The following ITIH1 variants were observed in gnomAD, a reference collection of about 807,000 sequenced individuals.
The protein encoded by ITIH1 is inter-alpha-trypsin inhibitor heavy chain 1, also known as inter-alpha-trypsin inhibitor heavy chain H1.
ITIH1 carries 94 observed loss-of-function variants against 104.6 expected under a neutral mutation model. The observed-to-expected ratio is 0.90, with a 90% CI of 0.76 to 1.07. The LOEUF (loss-of-function observed/expected upper bound fraction) is 1.07. Among genes scored for constraint, ITIH1 ranks in the 50% least tolerant of loss-of-function variants. ITIH1 has a pLI of 0.00. For synonymous variants in ITIH1, 455 were observed against 464.4 expected (o/e 0.98, Z 0.26); for missense variants, 1,193 against 1,181.4 (o/e 1.01, Z -0.14).
At chr3:52,783,403 G>A in intron 10 of ITIH1, 64 bp downstream of exon 10, 1 of 1,564,968 alleles carries the variant, frequency 6.4e-7, no homozygotes, top group African/African-American at 1.4e-5. Context: ...CATGCAAGCT[G>A]AAGTTGGAAA....
chr3:52,791,140 G>A (rs546042423), intron 20 of ITIH1, among the ~76,000 whole-genome samples: 2 of 152,238 alleles, frequency 1.3e-5, no homozygotes, highest in South Asian at 4.2e-4. Flanking sequence ...AGCAAGTGAG[G>A]GGCAGAGGTC....
chr3:52,783,054 C>T lies in ITIH1; in HGVS notation c.1028C>T (p.Ser343Leu), dbSNP rs1375199081. 5.6e-6 allele frequency: 9 copies of T among 1,613,820 alleles called. No individual in the cohort carries two copies. Among genetic ancestry groups the T allele is most frequent in the Admixed American group, 1.7e-5 (1 of 59,984 alleles). ...FGTRVQSWKG[S>L]LVQASEANLQ... ...ACTCGAGTACAATCGTGGAAGGGCT[C>T]GCTGGTGCAAGCATCTGAGGCCAAC... is the stretch of plus-strand genomic sequence containing the variant. Residue 343 changes from serine to leucine, a missense_variant, in exon 9 of 22, where the codon TCG (serine) becomes TTG (leucine). Coordinates refer to ENST00000273283, the MANE Select transcript of ITIH1 (RefSeq NM_002215.4).
At chr3:52,783,548 G>T (rs1034406958) in intron 10 of ITIH1, among the ~76,000 whole-genome samples, 3 of 152,174 alleles carry the variant, frequency 2.0e-5, no homozygotes, top group Admixed American at 2.0e-4. Flanking sequence ...TGAGAAATTG[G>T]AGATGTTTCT....
rs1362375135 is a variant in ITIH1 at position 52,782,015 on chromosome 3, C to A, written c.763C>A (p.His255Asn). The A allele has an allele frequency of 1.2e-6, 2 of 1,614,038 alleles. No individual in the cohort carries two copies. The highest frequency in any genetic ancestry group is 2.7e-5 in the African/African-American group (2 of 74,910). Residue 255 changes from histidine (H) to asparagine (N), a missense_variant, in exon 7 of 22, where the codon CAC (histidine) becomes AAC (asparagine). Coordinates refer to ENST00000273283, the MANE Select transcript of ITIH1 (RefSeq NM_002215.4). ...PTCSTSLLNG[H>N]FKVTYDVSRD... is the part of the protein sequence containing the mutation. ...ATGCTCTACATCCTTACTGAACGGG[C>A]ACTTCAAGGTGACCTACGATGTCAG...
intron 18 of ITIH1, among the ~76,000 whole-genome samples, chr3:52,788,587 G>T (rs1447713120): frequency 2.1e-5 from 3 of 145,762 alleles, no homozygotes; most frequent in Non-Finnish European, 4.5e-5. Context: ...CTGAGACAGA[G>T]TCTTGCTCTG....
intron 2 of ITIH1, 36 bp from the exon 3 acceptor site, chr3:52,778,304 T>C (rs986504735): frequency 1.2e-6 from 2 of 1,604,810 alleles, no homozygotes; most frequent in Non-Finnish European, 1.7e-6. Flanking sequence ...ACAGAGGCCC[T>C]GTCTCAGGCC....
At chr3:52,777,942 G>C in intron 1 of ITIH1, 55 bp from the exon 2 acceptor site, 1 of 1,611,182 alleles carries the variant, frequency 6.2e-7, no homozygotes, top group African/African-American at 1.3e-5. Context: ...TGAACTGGCA[G>C]GCCGGTGGTC....
intron 3 of ITIH1, chr3:52,778,718 T>TGAAACA: frequency 7.0e-7 from 1 of 1,420,298 alleles, no homozygotes; most frequent in Non-Finnish European, 9.2e-7. Flanking sequence ...TCACAGCATG[T>TGAAACA]TTCAGGCTAG....
At chr3:52,781,196 T>TCACCTCCTC (rs1559461083) in intron 6 of ITIH1, among the ~76,000 whole-genome samples, 3 of 89,958 alleles carry the variant, frequency 3.3e-5, no homozygotes, top group African/African-American at 1.7e-4. Context: ...CTCCTCCTCT[T>TCACCTCCTC]CTTTTTTTTT....
chr3:52,784,342 C>T lies in ITIH1; in HGVS notation c.1272C>T (p.Ile424=), dbSNP rs1356976222. The T allele has an allele frequency of 1.9e-6, 3 of 1,614,152 alleles. No individual in the cohort carries two copies. The South Asian group carries it at 3.3e-5, about 18-fold the overall frequency. ...SQILKNVRNA[I]RGRFPLYNLG... ...TCCTCAAGAACGTCCGCAACGCCAT[C>T]CGGGGCAGGTTCCCGCTCTACAACC... The change falls in exon 11 of 22, where the codon ATC becomes ATT. Residue 424 remains isoleucine, a synonymous_variant. Coordinates refer to ENST00000273283, the MANE Select transcript of ITIH1 (RefSeq NM_002215.4).
Position 52,789,687 on chromosome 3 carries a change from G to A in ITIH1, c.2154G>A (p.Lys718=). The A allele has an allele frequency of 6.2e-7, 1 of 1,614,196 alleles. No individual in the cohort carries two copies. Among genetic ancestry groups the A allele is most frequent in the Non-Finnish European group, 8.5e-7 (1 of 1,180,034 alleles). The change falls in exon 19 of 22, where the codon AAG becomes AAA. Residue 718 remains lysine (K), a synonymous_variant. Transcript: ENST00000273283. ...TGAATGGACAGCTCATTGGCAACAAGGCCAGGAGCCCTGGGCAGCATGACG... is the reference window on the plus strand; with the variant it reads ...TGAATGGACAGCTCATTGGCAACAAAGCCAGGAGCCCTGGGCAGCATGACG... ...FSVNGQLIGN[K]ARSPGQHDGT... is the part of the protein sequence containing the mutation.
At chr3:52,790,609 G>A in intron 19 of ITIH1, 140 bp from the exon 20 acceptor site, 2 of 812,300 alleles carry the variant, frequency 2.5e-6, no homozygotes, top group Non-Finnish European at 4.0e-6. Flanking sequence ...GCGTGGAACA[G>A]GTAACAGCCG....
At chr3:52,790,585 A>G (rs1242109759) in intron 19 of ITIH1, 164 bp from the exon 20 acceptor site, 1 of 679,808 alleles carries the variant, frequency 1.5e-6, no homozygotes, top group African/African-American at 1.8e-5. Flanking sequence ...GCCCCAAGCA[A>G]CATGTGGGGA....
chr3:52,780,497 C>T, intron 6 of ITIH1, 115 bp downstream of exon 6: 1 of 681,194 alleles, frequency 1.5e-6, no homozygotes, highest in Non-Finnish European at 2.5e-6. Flanking sequence ...GTGGTCTGCC[C>T]TCAGGATGAG....
chr3:52,791,685 G>A, intron 21 of ITIH1, 57 bp downstream of exon 21: 1 of 1,609,318 alleles, frequency 6.2e-7, no homozygotes, highest in Non-Finnish European at 8.5e-7. Context: ...GTTCTTCCAG[G>A]TCTTCCTCCA....
At position 52,785,079 on chromosome 3, in the gene ITIH1, G is replaced by A; in HGVS notation, c.1443G>A (p.Val481=). Reference sequence around the variant, plus strand: ...GCCAGGTAGCCAAACCCCTGCTGGTGGATGTGGATTTGCAGTACCCCCAGG... The same window carrying A: ...GCCAGGTAGCCAAACCCCTGCTGGTAGATGTGGATTTGCAGTACCCCCAGG... ...FYSQVAKPLL[V]DVDLQYPQDA... The change falls in exon 12 of 22, where the codon GTG becomes GTA. Residue 481 remains valine (V), a synonymous_variant. Transcript: ENST00000273283. The A allele has an allele frequency of 2.5e-6, 4 of 1,614,094 alleles. No homozygotes were observed. Among genetic ancestry groups the A allele is most frequent in the Non-Finnish European group, 3.4e-6 (4 of 1,180,002 alleles).
Position 52,791,564 on chromosome 3 carries a change from G to A in ITIH1, c.2542G>A (p.Gly848Ser), listed in dbSNP as rs374186023. ...IGFEVSDIHP[G>S]SDPTKPDATM... is the part of the protein sequence containing the mutation. ...TTTTGAAGTGTCTGACATCCACCCAGGCTCTGACCCCACAAAGCCAGATGC... is the reference window on the plus strand; with the variant it reads ...TTTTGAAGTGTCTGACATCCACCCAAGCTCTGACCCCACAAAGCCAGATGC... The change falls in exon 21 of 22, where the codon GGC becomes AGC. Residue 848 changes from glycine (G) to serine (S), a missense_variant. By Grantham distance (56) the Gly-to-Ser change is moderately conservative. Coordinates refer to ENST00000273283, the MANE Select transcript of ITIH1 (RefSeq NM_002215.4). 1.9e-6 allele frequency: 3 copies of A among 1,614,132 alleles called. No individual in the cohort carries two copies. Among genetic ancestry groups the A allele is most frequent in the Non-Finnish European group, 2.5e-6 (3 of 1,180,030 alleles).
chr3:52,782,181 G>A lies in ITIH1; in HGVS notation c.844G>A (p.Ala282Thr), dbSNP rs1559462001. 6.2e-7 allele frequency: 1 copy of A among 1,614,050 alleles called. No individual in the cohort carries two copies. The highest frequency in any genetic ancestry group is 8.5e-7 in the Non-Finnish European group (1 of 1,180,012). Residue 282 changes from alanine to threonine, a missense_variant, in exon 8 of 22, where the codon GCC (alanine) becomes ACC (threonine). By Grantham distance (58) the Ala-to-Thr change is moderately conservative. Transcript: ENST00000273283. The stretch of plus-strand genomic sequence containing the variant: ...CAATAACCACTTTGCCCACTTCTTT[G>A]CCCCCCAAAACCTGACAAACATGAA... ...VANNHFAHFF[A>T]PQNLTNMNKN...
At chr3:52,786,029 T>C (rs1287841642) in intron 12 of ITIH1, among the ~76,000 whole-genome samples, 2 of 152,144 alleles carry the variant, frequency 1.3e-5, no homozygotes, top group East Asian at 3.9e-4. Flanking sequence ...AGCCGGGTGC[T>C]TATTGGCCTC....
Sources: gnomAD v4.1 joint callset for allele counts (sites outside exome capture counted in the v4.1 genomes callset) on GRCh38, gnomAD v4.1.1 for gene constraint, MANE v1.5 for transcripts, NCBI Gene and HGNC (gene_info 2026-07-23, HGNC 2026-07-21) for gene names.